HROB: variants seen among roughly 807,000 people sequenced by gnomAD.
The protein encoded by HROB is homologous recombination factor with OB-fold.
In HROB, 44 loss-of-function variants were observed where a neutral mutation model predicts 61.0. The ratio of observed to expected loss-of-function variants is 0.72; its 90% confidence interval spans 0.57 to 0.93. The LOEUF (loss-of-function observed/expected upper bound fraction) is 0.93, where lower values mean the gene tolerates loss of function less well. Ranked by LOEUF, HROB falls within the 40% of genes least tolerant of loss-of-function variation. The probability of loss-of-function intolerance (pLI) is 0.00; values close to 1 mark genes in which losing one functional copy is unlikely to be tolerated. For missense variants in HROB, 716 were observed against 796.2 expected (o/e 0.90, Z 1.21); for synonymous variants, 301 against 310.4 (o/e 0.97, Z 0.32).
intron 3 of HROB, among the ~76,000 whole-genome samples, 192 bp downstream of exon 3, chr17:44,149,219 G>A (rs2053721758): frequency 6.6e-6 from 1 of 151,854 alleles, no homozygotes; most frequent in Admixed American, 6.6e-5. Flanking sequence ...AGTGCTTAAG[G>A]CTCTGAGGAC....
intron 9 of HROB, among the ~76,000 whole-genome samples, chr17:44,161,369 A>C (rs118175220): frequency 0.014 from 2,199 of 152,304 alleles, 29 homozygotes; most frequent in Non-Finnish European, 0.023. Context: ...AGCTGTGTCC[A>C]AGTTCTCGGA....
At position 44,147,987 on chromosome 17, in the gene HROB, C is replaced by T. The variant is rs763388362; in HGVS notation, c.184C>T (p.Leu62=). 1.2e-6 allele frequency: 2 copies of T among 1,614,046 alleles called. No individual in the cohort carries two copies. The highest frequency in any genetic ancestry group is 1.7e-6 in the Non-Finnish European group (2 of 1,180,042). The change falls in exon 3 of 10, where the codon CTG becomes TTG. Residue 62 remains leucine (L), a synonymous_variant. Coordinates refer to ENST00000585683, the MANE Select transcript of HROB (RefSeq NM_001171251.3). The part of the protein sequence containing the change: ...TVQAQSSRLL[L]LHPTAPSEAL... ...GCAGGCACAGTCCTCCAGGCTGCTG[C>T]TGTTACACCCCACTGCTCCCTCAGA... is the stretch of plus-strand genomic sequence containing the variant.
At chr17:44,143,658 AAAAAG>A (rs1427934791) in intron 1 of HROB, among the ~76,000 whole-genome samples, 2 of 152,034 alleles carry the variant, frequency 1.3e-5, no homozygotes, top group African/African-American at 4.8e-5. Flanking sequence ...AGAAAAAAAA[AAAAAG>A]AAAATTAGCT....
rs137885797 is a variant in HROB at position 44,155,400 on chromosome 17, C to T, written c.1759C>T (p.Pro587Ser). 714 of 1,614,078 alleles carry T rather than the reference C, an allele frequency of 4.4e-4. No homozygotes were observed. The highest frequency in any genetic ancestry group is 5.7e-4 in the Non-Finnish European group (675 of 1,179,992). ...GDGSFLKPSQ[P>S]FPKDSGSFQH... ...TGGGAGCTTCCTCAAGCCATCTCAG[C>T]CCTTCCCCAAGGTAAGAGGAGCAGG... Residue 587 changes from proline (P) to serine (S), a missense_variant, in exon 8 of 10, where the codon CCC becomes TCC. Transcript: ENST00000585683.
Position 44,142,109 on chromosome 17 carries a change from C to T in HROB, c.-34C>T. On this transcript the variant is annotated 5_prime_UTR_variant, in exon 1 of 10. Coordinates refer to ENST00000585683, the MANE Select transcript of HROB (RefSeq NM_001171251.3). ...GACTCCCCGGACTCGGGGTGCCGGG[C>T]CAACCTCCCCGCCGAGGCCCACCCG... 3 of 1,530,338 alleles carry T rather than the reference C, an allele frequency of 2.0e-6. No individual in the cohort carries two copies. The highest frequency in any genetic ancestry group is 1.2e-5 in the South Asian group (1 of 83,852). 94.8% of individuals were successfully genotyped at this position (1,530,338 alleles called of 1,614,324 possible).
At position 44,148,085 on chromosome 17, in the gene HROB, A is replaced by G. The variant is rs1475104410; in HGVS notation, c.282A>G (p.Ser94=). The part of the protein sequence containing the change: ...SSTPSADSRP[S]CIGAAPLRPV... ...CGCCCAGTGCTGACAGCCGTCCATCATGCATAGGAGCAGCTCCCCTAAGGC... is the reference window on the plus strand; with the variant it reads ...CGCCCAGTGCTGACAGCCGTCCATCGTGCATAGGAGCAGCTCCCCTAAGGC... Residue 94 remains serine (S), a synonymous_variant, in exon 3 of 10, where the codon TCA becomes TCG. Transcript: ENST00000585683. 1.2e-6 allele frequency: 2 copies of G among 1,614,148 alleles called. No homozygotes were observed. The highest frequency in any genetic ancestry group is 1.7e-6 in the Non-Finnish European group (2 of 1,180,022).
chr17:44,142,830 A>G (rs2053494936), intron 1 of HROB, among the ~76,000 whole-genome samples: 1 of 152,100 alleles, frequency 6.6e-6, no homozygotes, highest in Non-Finnish European at 1.5e-5. Flanking sequence ...ACATGTTTGG[A>G]TTTATGGTAG....
chr17:44,147,589 C>T (rs981685317), intron 2 of HROB, among the ~76,000 whole-genome samples: 4 of 151,810 alleles, frequency 2.6e-5, no homozygotes, highest in Admixed American at 6.6e-5. Flanking sequence ...AGGTGTGCAC[C>T]CCCATGCCCA....
At chr17:44,152,180 A>G (rs1298900986) in intron 4 of HROB, among the ~76,000 whole-genome samples, 2 of 151,424 alleles carry the variant, frequency 1.3e-5, no homozygotes, top group East Asian at 1.9e-4. Context: ...AGGTTTCACC[A>G]TGTTGGCCAG....
chr17:44,150,851 A>G, intron 3 of HROB, 110 bp from the exon 4 acceptor site: 1 of 878,596 alleles, frequency 1.1e-6, no homozygotes, highest in South Asian at 1.5e-5. Context: ...AATATGTGTT[A>G]ATAGTCCCTG....
At position 44,142,118 on chromosome 17, in the gene HROB, C is replaced by A. The variant is rs1313058278; in HGVS notation, c.-25C>A. 6.5e-7 allele frequency: 1 copy of A among 1,530,458 alleles called. No individual in the cohort carries two copies. Among genetic ancestry groups the A allele is most frequent in the Non-Finnish European group, 8.7e-7 (1 of 1,144,122 alleles). 94.8% of individuals were successfully genotyped at this position (1,530,458 alleles called of 1,614,324 possible). A position where few individuals can be genotyped will look rare whatever the true frequency, so the allele number is the denominator to read the frequency against. The stretch of plus-strand genomic sequence containing the variant: ...GACTCGGGGTGCCGGGCCAACCTCC[C>A]CGCCGAGGCCCACCCGCCGTCGCTA... On this transcript the variant is annotated 5_prime_UTR_variant, in exon 1 of 10. Transcript: ENST00000585683.
At chr17:44,159,750 T>C (rs547874130) in intron 9 of HROB, among the ~76,000 whole-genome samples, 1 of 152,360 alleles carries the variant, frequency 6.6e-6, no homozygotes, top group South Asian at 2.1e-4. Context: ...GTTTTTTCTG[T>C]GCACTTATCA....
intron 8 of HROB, among the ~76,000 whole-genome samples, chr17:44,156,961 C>G (rs1598106862): frequency 6.6e-6 from 1 of 152,010 alleles, no homozygotes; most frequent in South Asian, 2.1e-4. Context: ...CGTGCCAGGC[C>G]CAGTTTTTGT....
chr17:44,152,556 C>T, intron 4 of HROB, 81 bp from the exon 5 acceptor site: 1 of 1,493,880 alleles, frequency 6.7e-7, no homozygotes, highest in Non-Finnish European at 9.1e-7. Context: ...TCCTCTCTCA[C>T]CCTTCCACCC....
rs756440846 is a variant in HROB, at chr17:44,161,911, C to T, written c.1920C>T (p.Phe640=). 2 of 1,614,196 alleles carry T rather than the reference C, an allele frequency of 1.2e-6. No individual in the cohort carries two copies. The highest frequency in any genetic ancestry group is 1.7e-6 in the Non-Finnish European group (2 of 1,180,004). ...DGLLSELPED[F]FCGTSS ...TCCTGAGTGAGCTTCCTGAAGACTT[C>T]TTCTGTGGGACCAGTAGTTGAGACT... The change falls in exon 10 of 10, where the codon TTC becomes TTT. Residue 640 remains phenylalanine (F), a synonymous_variant. Transcript: ENST00000585683.
rs376559222 is a variant in HROB at position 44,147,973 on chromosome 17, C to T, written c.170C>T (p.Ser57Phe). Reference protein sequence around the residue: ...SRPQETVQAQSSRLLLLHPTA... With the variant: ...SRPQETVQAQFSRLLLLHPTA... ...CCACAGGAGACTGTGCAGGCACAGT[C>T]CTCCAGGCTGCTGCTGTTACACCCC... The change falls in exon 3 of 10, where the codon TCC (serine) becomes TTC (phenylalanine). Residue 57 changes from serine (S) to phenylalanine (F), a missense_variant. Transcript: ENST00000585683. 8 of 1,613,964 alleles carry T rather than the reference C, an allele frequency of 5.0e-6. No individual in the cohort carries two copies. Among genetic ancestry groups the T allele is most frequent in the Middle Eastern group, 1.6e-4 (1 of 6,084 alleles).
intron 2 of HROB, among the ~76,000 whole-genome samples, chr17:44,145,912 G>A (rs1034318698): frequency 5.9e-5 from 9 of 152,250 alleles, no homozygotes; most frequent in East Asian, 1.9e-4. Flanking sequence ...ACACGTGCAG[G>A]TTTGTTACAT....
intron 2 of HROB, among the ~76,000 whole-genome samples, chr17:44,147,428 T>C (rs2053642694): frequency 7.1e-6 from 1 of 140,922 alleles, no homozygotes; most frequent in Non-Finnish European, 1.5e-5. Flanking sequence ...TTTCTTTTTC[T>C]TTTCTTTCTT....
At chr17:44,146,032 G>A (rs1238352997) in intron 2 of HROB, among the ~76,000 whole-genome samples, 1 of 151,938 alleles carries the variant, frequency 6.6e-6, no homozygotes, top group African/African-American at 2.4e-5. Context: ...CCCTGCCCCC[G>A]GCAGCCCCCA....
Sources: allele counts gnomAD v4.1 joint callset (sites outside exome capture counted in the v4.1 genomes callset), GRCh38; gene constraint gnomAD v4.1.1; transcripts MANE v1.5; gene names NCBI Gene and HGNC (gene_info 2026-07-23, HGNC 2026-07-21).